RALGDS: variants seen among roughly 807,000 people sequenced by gnomAD.
RALGDS encodes ral guanine nucleotide exchange factor.
RALGDS carries 44 observed loss-of-function variants against 99.8 expected under a neutral mutation model. The ratio of observed to expected loss-of-function variants is 0.44; its 90% CI spans 0.35 to 0.57. The LOEUF (loss-of-function observed/expected upper bound fraction) is 0.57, where lower values mean the gene tolerates loss of function less well. Ranked by LOEUF, RALGDS falls within the 20% of genes least tolerant of loss-of-function variation. The probability of loss-of-function intolerance (pLI) is 0.01; values close to 1 mark genes in which losing one functional copy is unlikely to be tolerated. For synonymous variants in RALGDS, 529 were observed against 505.0 expected (o/e 1.05, Z -0.64); for missense variants, 1,022 against 1,203.1 (o/e 0.85, Z 2.23).
At chr9:133,116,986 C>A (rs1403672032) in intron 1 of RALGDS, among the ~76,000 whole-genome samples, 1 of 152,218 alleles carries the variant, frequency 6.6e-6, no homozygotes, top group African/African-American at 2.4e-5. Context: ...GGTGGCAGGG[C>A]CAGCTTTCTA....
intron 9 of RALGDS, 60 bp downstream of exon 9, chr9:133,105,872 C>CCCCA (rs1831018679): frequency 3.7e-5 from 1 of 27,156 alleles, no homozygotes; most frequent in African/African-American, 1.5e-4. Context: ...CCCCAGCCCC[C>CCCCA]GCCCCAGCCC....
chr9:133,131,250 G>GC, upstream of RALGDS: 4 of 502,758 alleles, frequency 8.0e-6, no homozygotes, highest in Non-Finnish European at 1.1e-5. Flanking sequence ...CCTCAGGGTG[G>GC]AGACTCTCAG....
At chr9:133,105,837 GCCCC>G in intron 9 of RALGDS, 91 bp downstream of exon 9, 1 of 34,930 alleles carries the variant, frequency 2.9e-5, no homozygotes, top group South Asian at 1.7e-4. Context: ...CCCCGCCCCA[GCCCC>G]CGCCCCAGCC....
chr9:133,120,427 G>GA (rs1554742344), intron 1 of RALGDS, among the ~76,000 whole-genome samples: 55 of 29,016 alleles, frequency 1.9e-3, no homozygotes, highest in African/African-American at 5.7e-3. Flanking sequence ...CCCATCCCCC[G>GA]ACCCCCCCCC....
chr9:133,106,666 T>G lies in RALGDS; in HGVS notation c.1496A>C (p.Lys499Thr), dbSNP rs181444710. The change falls in exon 8 of 18, where the codon AAG becomes ACG. Residue 499 changes from lysine to threonine, a missense_variant. Physicochemically the swap from Lys to Thr is moderately conservative, Grantham distance 78. Transcript: ENST00000372050. ...LQSNSIHRLK[K>T]TWEDVSRDSF... ...CCACCTGGAAACGTCTTCCCACGTC[T>G]TCTTCAGACGGTGGATGGAGTTGCT... is the stretch of plus-strand genomic sequence containing the variant. 8.7e-6 allele frequency: 14 copies of G among 1,611,206 alleles called. No homozygotes were observed. The highest frequency in any genetic ancestry group is 2.2e-5 in the East Asian group (1 of 44,824).
chr9:133,100,879 A>G (rs1283322522), intron 16 of RALGDS: 3 of 1,052,662 alleles, frequency 2.8e-6, no homozygotes, highest in Non-Finnish European at 2.3e-6. Flanking sequence ...CTTAATGACA[A>G]CCATGCTAGC....
chr9:133,115,929 C>T lies in RALGDS; in HGVS notation c.184-3777G>A, dbSNP rs549761371. On this transcript the variant is annotated intron_variant, in intron 1 of 17. Transcript: ENST00000372050. Reference sequence around the variant, plus strand: ...GTAAAACGCATCACAGAAGGCTGCTCGCTCTCTACAGAGCCCAGGCTCCTG... The same window carrying T: ...GTAAAACGCATCACAGAAGGCTGCTTGCTCTCTACAGAGCCCAGGCTCCTG... 3.3e-4 allele frequency among the ~76,000 whole-genome samples: 50 copies of T among 152,398 alleles called. 1 individual carries two copies. In the South Asian group the frequency reaches 9.3e-3, roughly 28 times the overall value.
chr9:133,121,442 G>A (rs1831944171), upstream of RALGDS, among the ~76,000 whole-genome samples: 1 of 152,152 alleles, frequency 6.6e-6, no homozygotes, highest in South Asian at 2.1e-4. Flanking sequence ...GGGCGGGGCC[G>A]GGGAGGTCGA....
intron 9 of RALGDS, among the ~76,000 whole-genome samples, chr9:133,105,399 C>T (rs1564231434): frequency 1.3e-5 from 2 of 152,172 alleles, no homozygotes; most frequent in Non-Finnish European, 2.9e-5. Context: ...AGTGTCTCTT[C>T]TCGGGGCAGG....
At chr9:133,116,400 G>A (rs1831611317) in intron 1 of RALGDS, among the ~76,000 whole-genome samples, 1 of 152,234 alleles carries the variant, frequency 6.6e-6, no homozygotes, top group Non-Finnish European at 1.5e-5. Flanking sequence ...CCCCGCAAAG[G>A]CCGGCCCATC....
intron 1 of RALGDS, among the ~76,000 whole-genome samples, chr9:133,126,348 G>A (rs1832161034): frequency 6.6e-6 from 1 of 152,234 alleles, no homozygotes; most frequent in African/African-American, 2.4e-5. Context: ...AAGGCAGGCT[G>A]TGAACTGACA....
intron 1 of RALGDS, among the ~76,000 whole-genome samples, chr9:133,147,657 T>G (rs1483081748): frequency 6.6e-6 from 1 of 152,054 alleles, no homozygotes; most frequent in Non-Finnish European, 1.5e-5. Context: ...CTCCAGTTGC[T>G]CCAATGAGTA....
At chr9:133,137,227 C>T (rs1163535609) in intron 1 of RALGDS, among the ~76,000 whole-genome samples, 1 of 152,222 alleles carries the variant, frequency 6.6e-6, no homozygotes, top group East Asian at 1.9e-4. Flanking sequence ...AGCAAGACTC[C>T]GTCTCAAAAC....
At chr9:133,115,610 A>T (rs1476897074) in intron 1 of RALGDS, among the ~76,000 whole-genome samples, 1 of 152,110 alleles carries the variant, frequency 6.6e-6, no homozygotes, top group Non-Finnish European at 1.5e-5. Context: ...TCATCTGGGG[A>T]GGGCAGCACT....
upstream of RALGDS, chr9:133,121,343 C>T (rs1248952994): frequency 6.5e-5 from 34 of 523,816 alleles, no homozygotes; most frequent in South Asian, 1.4e-3. Flanking sequence ...CCGAGGGACG[C>T]GTGCGTGCGC....
At chr9:133,109,007 A>T (rs543694475) in intron 4 of RALGDS, 141 bp from the exon 5 acceptor site, 25 of 817,682 alleles carry the variant, frequency 3.1e-5, no homozygotes, top group Non-Finnish European at 4.2e-5. Flanking sequence ...AGAACCAAGG[A>T]GGCCCCTGGT....
upstream of RALGDS, among the ~76,000 whole-genome samples, chr9:133,132,278 G>A (rs1479924414): frequency 2.6e-5 from 4 of 152,210 alleles, no homozygotes; most frequent in Non-Finnish European, 4.4e-5. Context: ...GAGACGCCCT[G>A]TGCAGACAGG....
At chr9:133,139,557 G>T (rs1409129366) in intron 1 of RALGDS, among the ~76,000 whole-genome samples, 4 of 152,242 alleles carry the variant, frequency 2.6e-5, no homozygotes, top group Admixed American at 6.5e-5. Context: ...CAACTGGGCA[G>T]CAGGGCCTGG....
chr9:133,139,734 G>A (rs1832488439), intron 1 of RALGDS, among the ~76,000 whole-genome samples: 1 of 152,220 alleles, frequency 6.6e-6, no homozygotes, highest in Non-Finnish European at 1.5e-5. Context: ...CTCCCCAAGG[G>A]CAGCGGGAGC....
Sources: allele counts gnomAD v4.1 joint callset (sites outside exome capture counted in the v4.1 genomes callset), GRCh38; gene constraint gnomAD v4.1.1; transcripts MANE v1.5; gene names NCBI Gene and HGNC (gene_info 2026-07-23, HGNC 2026-07-21).